Variants in ATP6V1B1 observed in about 807,000 individuals in gnomAD.
The protein encoded by ATP6V1B1 is V-type proton ATPase subunit B, kidney isoform.
A neutral mutation model predicts 62.1 loss-of-function variants in ATP6V1B1; 41 were observed. That is an observed-to-expected ratio of 0.66 (90% CI 0.51 to 0.86). The LOEUF (loss-of-function observed/expected upper bound fraction) is 0.86. Ranked by LOEUF, ATP6V1B1 falls within the 40% of genes least tolerant of loss-of-function variation. The probability of loss-of-function intolerance (pLI) is 0.00; values close to 1 mark genes in which losing one functional copy is unlikely to be tolerated. For synonymous variants in ATP6V1B1, 253 were observed against 273.4 expected (o/e 0.93, Z 0.74); for missense variants, 651 against 697.5 (o/e 0.93, Z 0.75).
At chr2:70,960,673 A>T (rs2104828317) in intron 6 of ATP6V1B1, among the ~76,000 whole-genome samples, 1 of 152,126 alleles carries the variant, frequency 6.6e-6, no homozygotes, top group South Asian at 2.1e-4. Context: ...AGGTACCCAG[A>T]CCCATAAAGA....
At position 70,958,132 on chromosome 2, in the gene ATP6V1B1, G is replaced by A; in HGVS notation, c.261G>A (p.Lys87=). The A allele has an allele frequency of 1.2e-6, 2 of 1,614,100 alleles. No homozygotes were observed. Among genetic ancestry groups the A allele is most frequent in the Non-Finnish European group, 8.5e-7 (1 of 1,180,024 alleles). Residue 87 remains lysine (K), a synonymous_variant, in exon 3 of 14, where the codon AAG becomes AAA. Transcript: ENST00000234396. ...SGQVLEVAGT[K]AIVQVFEGTS... is the part of the protein sequence containing the mutation. The stretch of plus-strand genomic sequence containing the variant: ...AGGTGCTTGAGGTGGCTGGCACCAA[G>A]GCGATTGTTCAGGTGAGTGGGGTCA...
At position 70,958,568 on chromosome 2, in the gene ATP6V1B1, G is replaced by A. The variant is rs554966048; in HGVS notation, c.367+142G>A. 3.5e-5 allele frequency: 27 copies of A among 781,528 alleles called. 1 individual carries two copies. The highest frequency in any genetic ancestry group is 2.3e-5 in the Admixed American group (1 of 42,796). The allele number at this position is 781,528 out of a possible 1,614,324, so 48.4% of individuals were successfully genotyped here. Reference sequence around the variant, plus strand: ...TCTGGTGGGCTCTTTGAGGTCTGGGGTATGTCTTCTCTCTGATTCCTGACC... The same window carrying A: ...TCTGGTGGGCTCTTTGAGGTCTGGGATATGTCTTCTCTCTGATTCCTGACC... On this transcript the variant is annotated intron_variant, in intron 4 of 13. Transcript: ENST00000234396.
intron 7 of ATP6V1B1, 148 bp downstream of exon 7, chr2:70,961,170 C>A: frequency 1.2e-6 from 1 of 823,822 alleles, no homozygotes. Flanking sequence ...TGACCACGGC[C>A]ATGTGTCCCT....
At position 70,942,322 on chromosome 2, in the gene ATP6V1B1, C is replaced by T; in HGVS notation, c.119-1336C>T. On this transcript the variant is annotated intron_variant, in intron 1 of 13. Transcript: ENST00000234396. ...GCAAAGTGCAAGTTGAACTTATCTT[C>T]TCTGGCTGTCCTCAAGGCCCGGAGT... 7.5e-6 allele frequency: 3 copies of T among 398,790 alleles called. No individual in the cohort carries two copies. In the East Asian group the frequency reaches 1.1e-4, roughly 14 times the overall value. 24.7% of individuals were successfully genotyped at this position (398,790 alleles called of 1,614,324 possible).
At position 70,959,469 on chromosome 2, in the gene ATP6V1B1, G is replaced by A. The variant is rs1274915907; in HGVS notation, c.445+374G>A. ...ACTGAGGACACACTGGGAGGCCTGT[G>A]GGAGCCCGTGGCTTGCCCTACGCCA... On this transcript the variant is annotated intron_variant, in intron 5 of 13. Coordinates refer to ENST00000234396, the MANE Select transcript of ATP6V1B1 (RefSeq NM_001692.4). This position sits in a 1 kb window ranked among gnomAD's most constrained non-coding sequence, Gnocchi z 4.2. Among the ~76,000 whole-genome samples the A allele has an allele frequency of 6.6e-6, 1 of 152,230 alleles. No individual in the cohort carries two copies. Among genetic ancestry groups the A allele is most frequent in the African/African-American group, 2.4e-5 (1 of 41,468 alleles).
chr2:70,962,009 A>AACATTTATTTAGAAAAG (rs1553420193), intron 8 of ATP6V1B1, among the ~76,000 whole-genome samples: 2 of 54,114 alleles, frequency 3.7e-5, no homozygotes, highest in East Asian at 2.5e-3. Context: ...AGAAGATCAA[A>AACATTTATTTAGAAAAG]CTGCTATTAT....
intron 2 of ATP6V1B1, among the ~76,000 whole-genome samples, chr2:70,956,594 GTTA>G (rs1293519252): frequency 2.0e-5 from 3 of 151,996 alleles, no homozygotes; most frequent in Non-Finnish European, 2.9e-5. Flanking sequence ...CTCAACACTT[GTTA>G]TTATTATTTT....
intron 2 of ATP6V1B1, among the ~76,000 whole-genome samples, chr2:70,947,067 T>C (rs1680195435): frequency 6.6e-6 from 1 of 152,198 alleles, no homozygotes; most frequent in African/African-American, 2.4e-5. Flanking sequence ...AGGCAATTAC[T>C]CTTCCTGCTT....
At chr2:70,943,401 C>G in intron 1 of ATP6V1B1, 1 of 626,046 alleles carries the variant, frequency 1.6e-6, no homozygotes, top group Non-Finnish European at 2.9e-6. Context: ...GTGGTGGGGG[C>G]GGACTCTGAG....
At chr2:70,952,106 G>T (rs192410472) in intron 2 of ATP6V1B1, among the ~76,000 whole-genome samples, 1 of 152,076 alleles carries the variant, frequency 6.6e-6, no homozygotes, top group African/African-American at 2.4e-5. Flanking sequence ...TGTTGGTTTT[G>T]GTTAATAGTT....
intron 1 of ATP6V1B1, among the ~76,000 whole-genome samples, chr2:70,939,143 AGGTGTGGCT>A (rs1221905289): frequency 6.6e-6 from 1 of 152,232 alleles, no homozygotes; most frequent in Admixed American, 6.5e-5. Context: ...AGGACGCTGC[AGGTGTGGCT>A]GGGCCAGCGC....
At chr2:70,936,140 G>A (rs1381273373) in intron 1 of ATP6V1B1, 68 bp downstream of exon 1, 25 of 1,511,644 alleles carry the variant, frequency 1.7e-5, no homozygotes, top group African/African-American at 6.9e-5. Flanking sequence ...CCAGGTTCCC[G>A]GGCCCCGCTT....
At position 70,961,601 on chromosome 2, in the gene ATP6V1B1, C is replaced by T. The variant is rs781946191; in HGVS notation, c.693C>T (p.Asn231=). 2 of 1,614,144 alleles carry T rather than the reference C, an allele frequency of 1.2e-6. No homozygotes were observed. The highest frequency in any genetic ancestry group is 1.7e-6 in the Non-Finnish European group (2 of 1,180,044). Reference sequence around the variant, plus strand: ...CCACCCTGCTGTGTATCCAGGTGAACATGGAGACAGCCAGATTCTTCAAGT... The same window carrying T: ...CCACCCTGCTGTGTATCCAGGTGAATATGGAGACAGCCAGATTCTTCAAGT... ...FAIVFAAMGV[N]METARFFKSD... The change falls in exon 8 of 14, where the codon AAC becomes AAT. Residue 231 remains asparagine (N), a synonymous_variant. Coordinates refer to ENST00000234396, the MANE Select transcript of ATP6V1B1 (RefSeq NM_001692.4).
Position 70,965,345 on chromosome 2 carries a change from T to C in ATP6V1B1, c.*224T>C, listed in dbSNP as rs1680701293. 1.6e-6 allele frequency: 1 copy of C among 622,142 alleles called. No individual in the cohort carries two copies. Among genetic ancestry groups the C allele is most frequent in the African/African-American group, 1.8e-5 (1 of 54,156 alleles). 38.5% of individuals were successfully genotyped at this position (622,142 alleles called of 1,614,324 possible). A position where few individuals can be genotyped will look rare whatever the true frequency, so the allele number is the denominator to read the frequency against. On this transcript the variant is annotated 3_prime_UTR_variant, in exon 14 of 14. Transcript: ENST00000234396. Reference sequence around the variant, plus strand: ...CCCGGTGCTGCGGAAGAACTGAAGGTTGCGATGCCTTACTCTGACGGGAGC... The same window carrying C: ...CCCGGTGCTGCGGAAGAACTGAAGGCTGCGATGCCTTACTCTGACGGGAGC...
intron 12 of ATP6V1B1, 53 bp from the exon 13 acceptor site, chr2:70,964,683 T>G: frequency 6.2e-7 from 1 of 1,612,760 alleles, no homozygotes; most frequent in Non-Finnish European, 8.5e-7. Flanking sequence ...TGGGGGCTAC[T>G]GGACTCCCGT....
chr2:70,962,343 C>A (rs1299814867), intron 8 of ATP6V1B1, among the ~76,000 whole-genome samples: 1 of 152,180 alleles, frequency 6.6e-6, no homozygotes, highest in African/African-American at 2.4e-5. Context: ...ATCCAGAGGA[C>A]ATGCAGTGAG....
chr2:70,964,346 T>G lies in ATP6V1B1; in HGVS notation c.1144-92T>G. 2.3e-6 allele frequency: 3 copies of G among 1,317,570 alleles called. No homozygotes were observed. In the South Asian group the frequency reaches 3.6e-5, roughly 16 times the overall value. 81.6% of individuals were successfully genotyped at this position (1,317,570 alleles called of 1,614,324 possible). A position where few individuals can be genotyped will look rare whatever the true frequency, so the allele number is the denominator to read the frequency against. On this transcript the variant is annotated intron_variant, in intron 11 of 13. Coordinates refer to ENST00000234396, the MANE Select transcript of ATP6V1B1 (RefSeq NM_001692.4). ...GCTGTTGACCCCTCGGAATGTAGGA[T>G]AAGTGAGGAGCTTCTCCTGAGAACA...
rs1453890386 is a variant in ATP6V1B1 at position 70,965,376 on chromosome 2, T to C, written c.*255T>C. The C allele has an allele frequency of 8.7e-6, 5 of 575,242 alleles. No individual in the cohort carries two copies. The highest frequency in any genetic ancestry group is 1.2e-5 in the Non-Finnish European group (4 of 323,770). 35.6% of individuals were successfully genotyped at this position (575,242 alleles called of 1,614,324 possible). A position where few individuals can be genotyped will look rare whatever the true frequency, so the allele number is the denominator to read the frequency against. ...TGCCTTACTCTGACGGGAGCATCTG[T>C]ATTTTTATGTTAAAAGCCCACAAAA... On this transcript the variant is annotated 3_prime_UTR_variant, in exon 14 of 14. Coordinates refer to ENST00000234396, the MANE Select transcript of ATP6V1B1 (RefSeq NM_001692.4).
At position 70,958,026 on chromosome 2, in the gene ATP6V1B1, C is replaced by A. The variant is rs781936808; in HGVS notation, c.175-20C>A. 11 of 1,609,234 alleles carry A rather than the reference C, an allele frequency of 6.8e-6. No homozygotes were observed. Among genetic ancestry groups the A allele is most frequent in the Non-Finnish European group, 8.5e-6 (10 of 1,177,150 alleles). On this transcript the variant is annotated intron_variant, in intron 2 of 13. Coordinates refer to ENST00000234396, the MANE Select transcript of ATP6V1B1 (RefSeq NM_001692.4). ...TGCCTCCAGTCTCACTGTCACGTGG[C>A]TGCTCTCCCCTCCTGCCAGTTTGCC... is the stretch of plus-strand genomic sequence containing the variant.
Sources: allele counts gnomAD v4.1 joint callset (sites outside exome capture counted in the v4.1 genomes callset), GRCh38; gene constraint gnomAD v4.1.1; non-coding constraint Gnocchi (gnomAD v3.1); transcripts MANE v1.5; gene names NCBI Gene and HGNC (gene_info 2026-07-23, HGNC 2026-07-21).